SLC30A10: variants seen among roughly 807,000 people sequenced by gnomAD.
The protein encoded by SLC30A10 is calcium/manganese antiporter SLC30A10.
In SLC30A10, 8 loss-of-function variants were observed where a neutral mutation model predicts 21.7. The ratio of observed to expected loss-of-function variants is 0.37; its 90% CI spans 0.22 to 0.67. The LOEUF (loss-of-function observed/expected upper bound fraction) is 0.67, where lower values mean the gene tolerates loss of function less well. Among genes scored for constraint, SLC30A10 ranks in the 30% least tolerant of loss-of-function variants. SLC30A10 has a pLI of 0.58. For synonymous variants in SLC30A10, 272 were observed against 279.4 expected (o/e 0.97, Z 0.26); for missense variants, 521 against 642.5 (o/e 0.81, Z 2.04).
intron 3 of SLC30A10, among the ~76,000 whole-genome samples, chr1:219,917,708 C>CTTTTTTTTTTTTTTT (rs35106027): frequency 2.9e-5 from 3 of 104,106 alleles, no homozygotes; most frequent in African/African-American, 8.2e-5. Context: ...TTTTTCTTTC[C>CTTTTTTTTTTTTTTT]TTTTTTTTTT....
chr1:219,934,592 A>C (rs1448119761), intron 1 of SLC30A10, among the ~76,000 whole-genome samples: 1 of 152,218 alleles, frequency 6.6e-6, no homozygotes, highest in East Asian at 1.9e-4. Flanking sequence ...ATATAACACC[A>C]GGATGATGCC....
chr1:219,925,731 C>T (rs1264383092), intron 2 of SLC30A10, among the ~76,000 whole-genome samples: 1 of 137,626 alleles, frequency 7.3e-6, no homozygotes, highest in African/African-American at 2.7e-5. Context: ...TCTCGGCTCA[C>T]TGCAACCTCC....
chr1:219,950,467 A>C (rs902963416), intron 1 of SLC30A10, among the ~76,000 whole-genome samples: 4 of 151,754 alleles, frequency 2.6e-5, no homozygotes, highest in Non-Finnish European at 5.9e-5. Context: ...GTGAAACCCC[A>C]TCTCTACTAA....
chr1:219,927,650 A>T, intron 1 of SLC30A10, 151 bp downstream of exon 1: 1 of 532,190 alleles, frequency 1.9e-6, no homozygotes. Context: ...AAAAAAAAAA[A>T]AAAAAAAAAA....
Position 219,915,789 on chromosome 1 carries a change from G to T in SLC30A10, c.1118C>A (p.Ala373Glu), listed in dbSNP as rs202111121. Reference protein sequence around the residue: ...STKIREIFHHAGIHNVTIQFE... With the variant: ...STKIREIFHHEGIHNVTIQFE... Reference sequence around the variant, plus strand: ...CTGGATGGTCACATTGTGGATTCCCGCATGGTGGAAGATTTCTCGAATTTT... The same window carrying T: ...CTGGATGGTCACATTGTGGATTCCCTCATGGTGGAAGATTTCTCGAATTTT... The change falls in exon 4 of 4, where the codon GCG becomes GAG. Residue 373 changes from alanine (A) to glutamate (E), a missense_variant. By Grantham distance (107) the Ala-to-Glu change is moderately radical. Transcript: ENST00000366926. 146 of 1,614,046 alleles carry T rather than the reference G, an allele frequency of 9.0e-5. No homozygotes were observed. The highest frequency in any genetic ancestry group is 3.3e-5 in the Admixed American group (2 of 60,000).
At chr1:219,954,226 G>A (rs1005290344) in intron 1 of SLC30A10, among the ~76,000 whole-genome samples, 6 of 152,068 alleles carry the variant, frequency 3.9e-5, no homozygotes, top group Non-Finnish European at 5.9e-5. Context: ...GCTTGCATGA[G>A]CAACTAATCA....
chr1:219,943,828 G>T (rs547540398), intron 1 of SLC30A10, among the ~76,000 whole-genome samples: 1 of 152,240 alleles, frequency 6.6e-6, no homozygotes, highest in South Asian at 2.1e-4. Flanking sequence ...GGCCAGGCGC[G>T]GTGGCTCACA....
intron 1 of SLC30A10, among the ~76,000 whole-genome samples, chr1:219,934,463 C>CA (rs1041321819): frequency 1.0e-3 from 134 of 128,734 alleles, no homozygotes; most frequent in East Asian, 1.5e-3. Context: ...GACTCCATCT[C>CA]AAAAAAAAAA....
chr1:219,920,506 A>C lies in SLC30A10; in HGVS notation c.719-2012T>G, dbSNP rs917897737. Among the ~76,000 whole-genome samples, 52 of 152,188 alleles carry C rather than the reference A, an allele frequency of 3.4e-4. 1 individual carries two copies. Among genetic ancestry groups the C allele is most frequent in the Admixed American group, 2.8e-3 (43 of 15,274 alleles). On this transcript the variant is annotated intron_variant, in intron 2 of 3. Transcript: ENST00000366926. ...AACATGAGGATCAGGGCCATACTCCAAATTGCCTTTGTTTATATAATAGCA... is the reference window on the plus strand; with the variant it reads ...AACATGAGGATCAGGGCCATACTCCCAATTGCCTTTGTTTATATAATAGCA...
Position 219,922,176 on chromosome 1 carries a change from GTTTTTTT to G in SLC30A10, c.719-3689_719-3683del, listed in dbSNP as rs869249213. Among the ~76,000 whole-genome samples, 13 of 36,452 alleles carry G rather than the reference GTTTTTTT, an allele frequency of 3.6e-4. 1 individual carries two copies. Among genetic ancestry groups the G allele is most frequent in the South Asian group, 3.6e-3 (3 of 844 alleles). 23.9% of individuals were successfully genotyped at this position (36,452 alleles called of 152,430 possible). ...TTCTTGTTTGTGTGTGTGTGTGTGT[GTTTTTTT>G]TTTTTTTTTTTTTTTTTTTTTTTTT... On this transcript the variant is annotated intron_variant, in intron 2 of 3. Transcript: ENST00000366926.
chr1:219,927,190 T>G (rs780863158), intron 1 of SLC30A10, 85 bp from the exon 2 acceptor site: 52 of 1,412,874 alleles, frequency 3.7e-5, no homozygotes, highest in African/African-American at 5.7e-5. Flanking sequence ...TAAAGTTTTG[T>G]TATTTTAAAT....
At chr1:219,916,065 G>A (rs1349987936) in intron 3 of SLC30A10, 117 bp from the exon 4 acceptor site, 4 of 1,288,206 alleles carry the variant, frequency 3.1e-6, no homozygotes, top group South Asian at 2.9e-5. Flanking sequence ...TACTTACTAC[G>A]AACAGCTGGA....
At chr1:219,916,968 GT>G (rs749604118) in intron 3 of SLC30A10, among the ~76,000 whole-genome samples, 1,378 of 132,286 alleles carry the variant, frequency 0.01, 16 homozygotes, top group African/African-American at 0.033. Context: ...ATCTTGTGGG[GT>G]TTTTTTTTTT....
chr1:219,956,262 C>G (rs1660347679), intron 1 of SLC30A10, among the ~76,000 whole-genome samples: 1 of 152,110 alleles, frequency 6.6e-6, no homozygotes, highest in Non-Finnish European at 1.5e-5. Flanking sequence ...CCTCAAACTT[C>G]TGGGCTCAAG....
rs1198860797 is a variant in SLC30A10 at position 219,942,866 on chromosome 1, A to T, written n.80+15702T>A. Among the ~76,000 whole-genome samples, 4 of 152,104 alleles carry T rather than the reference A, an allele frequency of 2.6e-5. No individual in the cohort carries two copies. The East Asian group carries it at 7.7e-4, about 29-fold the overall frequency. ...TTGAGATCAGTCTGGCCAACATGATAAAACCCCATCTCTACTGAAAATACA... is the reference window on the plus strand; with the variant it reads ...TTGAGATCAGTCTGGCCAACATGATTAAACCCCATCTCTACTGAAAATACA... On this transcript the variant is annotated intron_variant and non_coding_transcript_variant, in intron 1 of 8. Coordinates refer to the SLC30A10 transcript ENST00000484239.
Position 219,944,380 on chromosome 1 carries a change from G to A in SLC30A10, n.80+14188C>T, listed in dbSNP as rs565945387. ...GGAGAATGGTGTGAACCTGGGAGGC[G>A]GAGCTTGCAATGAGCCGAGATCGCG... On this transcript the variant is annotated intron_variant and non_coding_transcript_variant, in intron 1 of 8. Coordinates refer to the SLC30A10 transcript ENST00000484239. 1.5e-3 allele frequency among the ~76,000 whole-genome samples: 225 copies of A among 148,170 alleles called. 1 individual carries two copies. The highest frequency in any genetic ancestry group is 5.1e-3 in the African/African-American group (209 of 41,122).
chr1:219,928,509 T>C lies in SLC30A10; in HGVS notation c.-69A>G. On this transcript the variant is annotated 5_prime_UTR_variant, in exon 1 of 4. Transcript: ENST00000366926. The surrounding 1 kb of genome is among the most constrained non-coding windows in gnomAD (Gnocchi z 6.3). ...AGCCCACCCCGCGCGCAGCCACAGG[T>C]GGGGGGCGCGGCGCGGATCCGTGAG... The C allele has an allele frequency of 7.6e-7, 1 of 1,310,720 alleles. No homozygotes were observed. The highest frequency in any genetic ancestry group is 9.8e-7 in the Non-Finnish European group (1 of 1,016,288). 81.2% of individuals were successfully genotyped at this position (1,310,720 alleles called of 1,614,324 possible).
intron 3 of SLC30A10, 92 bp from the exon 4 acceptor site, chr1:219,916,040 A>C: frequency 1.6e-5 from 24 of 1,484,838 alleles, no homozygotes; most frequent in Non-Finnish European, 2.0e-5. Context: ...AAGCATTCTC[A>C]CCAAAATGGC....
chr1:219,935,725 G>A (rs1660037573), intron 1 of SLC30A10, among the ~76,000 whole-genome samples: 1 of 152,130 alleles, frequency 6.6e-6, no homozygotes, highest in Non-Finnish European at 1.5e-5. Flanking sequence ...TCTGGCTGTT[G>A]TCATACCCAA....
Sources: allele counts gnomAD v4.1 joint callset (sites outside exome capture counted in the v4.1 genomes callset), GRCh38; gene constraint gnomAD v4.1.1; non-coding constraint Gnocchi (gnomAD v3.1); transcripts MANE v1.5; gene names NCBI Gene and HGNC (gene_info 2026-07-23, HGNC 2026-07-21).